The following ZNF148 variants were observed in gnomAD, a reference collection of about 807,000 sequenced individuals.
The protein encoded by ZNF148 is Beta-Enolase Repressor Factor-1.
ZNF148 carries 7 observed loss-of-function variants against 67.7 expected under a neutral mutation model. The ratio of observed to expected loss-of-function variants is 0.10; its 90% confidence interval spans 0.06 to 0.19. The LOEUF is 0.19. Among genes scored for constraint, ZNF148 ranks in the 10% least tolerant of loss-of-function variants. The pLI, the probability that ZNF148 is intolerant of heterozygous loss-of-function variation, is 1.00. For synonymous variants in ZNF148, 333 were observed against 330.7 expected (o/e 1.01, Z -0.08); for missense variants, 583 against 947.1 (o/e 0.62, Z 5.05).
intron 4 of ZNF148, among the ~76,000 whole-genome samples, 178 bp downstream of exon 4, chr3:125,313,125 AATAAT>A (rs772557562): frequency 3.9e-5 from 6 of 152,236 alleles, no homozygotes; most frequent in African/African-American, 1.2e-4. Context: ...AAGCTTCTAA[AATAAT>A]ATAATACAAG....
chr3:125,342,518 A>C (rs912922335), intron 1 of ZNF148, among the ~76,000 whole-genome samples: 1 of 152,142 alleles, frequency 6.6e-6, no homozygotes, highest in African/African-American at 2.4e-5. Context: ...GCCAACTGGG[A>C]ATTCTATATC....
rs559264694 is a variant in ZNF148 at position 125,326,978 on chromosome 3, T to C, written c.-152-3534A>G. ...TAGTCCAGTGGAAAGGCAGCGACTG[T>C]CGGAAAGGATAAAAACACAAATTCC... On this transcript the variant is annotated intron_variant, in intron 2 of 8. Coordinates refer to ENST00000360647, the MANE Select transcript of ZNF148 (RefSeq NM_021964.3). Among the ~76,000 whole-genome samples, 4 of 151,500 alleles carry C rather than the reference T, an allele frequency of 2.6e-5. No homozygotes were observed. In the South Asian group the frequency reaches 8.3e-4, roughly 31 times the overall value.
intron 1 of ZNF148, among the ~76,000 whole-genome samples, chr3:125,341,995 G>A (rs1369158816): frequency 3.4e-5 from 2 of 59,228 alleles, no homozygotes; most frequent in Non-Finnish European, 3.4e-5. Context: ...ACTCTGTTTC[G>A]GGGCGGGGGG....
At chr3:125,273,781 G>A (rs1328499555) in intron 7 of ZNF148, among the ~76,000 whole-genome samples, 1 of 152,044 alleles carries the variant, frequency 6.6e-6, no homozygotes, top group Non-Finnish European at 1.5e-5. Context: ...ACCCGGCCGG[G>A]AGGAGAATCA....
chr3:125,309,376 G>A (rs900365846), intron 4 of ZNF148, among the ~76,000 whole-genome samples: 1 of 152,068 alleles, frequency 6.6e-6, no homozygotes, highest in Non-Finnish European at 1.5e-5. Flanking sequence ...TGCAAGCAAA[G>A]AAATGCAAAG....
At chr3:125,371,415 C>T (rs1354992833) in intron 1 of ZNF148, among the ~76,000 whole-genome samples, 3 of 148,180 alleles carry the variant, frequency 2.0e-5, no homozygotes, top group Non-Finnish European at 3.0e-5. Flanking sequence ...GCCTGTAATC[C>T]CAGCATTTTG....
chr3:125,297,985 T>C (rs1939370761), intron 4 of ZNF148, among the ~76,000 whole-genome samples: 2 of 152,066 alleles, frequency 1.3e-5, no homozygotes, highest in African/African-American at 4.8e-5. Flanking sequence ...ATAAATGAAA[T>C]TCACCCAACT....
At chr3:125,283,888 A>G (rs1938522041) in intron 5 of ZNF148, among the ~76,000 whole-genome samples, 1 of 152,114 alleles carries the variant, frequency 6.6e-6, no homozygotes, top group Non-Finnish European at 1.5e-5. Flanking sequence ...GATGTGTGAA[A>G]AGTGCTCTTC....
chr3:125,326,716 ATATATGTATATAAATATACATATT>A (rs1164798605), intron 2 of ZNF148, among the ~76,000 whole-genome samples: 1 of 147,210 alleles, frequency 6.8e-6, no homozygotes, highest in African/African-American at 2.5e-5. Context: ...ATATCTTTTT[ATATATGTATATAAATATACATATT>A]TATATGTATA....
intron 7 of ZNF148, among the ~76,000 whole-genome samples, chr3:125,251,392 GA>G (rs1342702288): frequency 6.6e-6 from 1 of 152,182 alleles, no homozygotes; most frequent in African/African-American, 2.4e-5. Flanking sequence ...TAGATGTACA[GA>G]AAAGTATACA....
intron 1 of ZNF148, among the ~76,000 whole-genome samples, chr3:125,353,741 C>T (rs1942243815): frequency 6.6e-6 from 1 of 151,718 alleles, no homozygotes; most frequent in Admixed American, 6.6e-5. Flanking sequence ...AGGCATGAGC[C>T]ACTGTGCACA....
chr3:125,283,811 T>C (rs770715897), intron 5 of ZNF148, among the ~76,000 whole-genome samples: 94 of 152,296 alleles, frequency 6.2e-4, no homozygotes, highest in Non-Finnish European at 1.1e-3. Flanking sequence ...AAGTCTAAAA[T>C]CTTTTCTGGG....
In ZNF148 at chr3:125,233,604, C is replaced by G; in HGVS notation, c.1122G>C (p.Gly374=). ...YAVEMPHSSV[G]GSHLEDASGE... ...CTGACGCATCTTCTAAATGCGAGCC[C>G]CCAACTGACGAATGTGGCATTTCAA... The change falls in exon 9 of 9, where the codon GGG becomes GGC. Residue 374 remains glycine, a synonymous_variant. Transcript: ENST00000360647. The surrounding 1 kb of genome is among the most constrained non-coding windows in gnomAD (Gnocchi z 5.1). The G allele has an allele frequency of 6.2e-7, 1 of 1,613,922 alleles. No homozygotes were observed.
chr3:125,252,431 G>A (rs763031278), intron 7 of ZNF148, among the ~76,000 whole-genome samples: 2 of 151,936 alleles, frequency 1.3e-5, no homozygotes, highest in Non-Finnish European at 1.5e-5. Flanking sequence ...TTTTGTATAT[G>A]GTGTAAGATA....
intron 6 of ZNF148, 54 bp downstream of exon 6, chr3:125,279,070 A>G (rs1476369652): frequency 1.3e-6 from 2 of 1,503,930 alleles, no homozygotes; most frequent in Non-Finnish European, 1.8e-6. Flanking sequence ...GAAGATGAAA[A>G]TAACAAAGAT....
chr3:125,323,921 T>G (rs1197136523), intron 2 of ZNF148, among the ~76,000 whole-genome samples: 1 of 149,004 alleles, frequency 6.7e-6, no homozygotes, highest in South Asian at 2.1e-4. Context: ...ATTGCGCCAC[T>G]GCACTCCAGC....
At chr3:125,326,848 A>G (rs1171410519) in intron 2 of ZNF148, among the ~76,000 whole-genome samples, 1 of 141,226 alleles carries the variant, frequency 7.1e-6, no homozygotes, top group Non-Finnish European at 1.5e-5. Flanking sequence ...ATACAGATAT[A>G]TATGTATATA....
chr3:125,312,530 T>G (rs1579775064), intron 4 of ZNF148, among the ~76,000 whole-genome samples: 1 of 152,080 alleles, frequency 6.6e-6, no homozygotes, highest in East Asian at 1.9e-4. Flanking sequence ...GGACTCAACC[T>G]AGAGTCAAGA....
chr3:125,269,134 A>T (rs998083074), intron 7 of ZNF148, among the ~76,000 whole-genome samples: 4 of 149,336 alleles, frequency 2.7e-5, no homozygotes, highest in African/African-American at 9.9e-5. Flanking sequence ...TTAGGAGACT[A>T]AGGCAGGTGG....
Sources: allele counts gnomAD v4.1 joint callset (sites outside exome capture counted in the v4.1 genomes callset), GRCh38; gene constraint gnomAD v4.1.1; non-coding constraint Gnocchi (gnomAD v3.1); transcripts MANE v1.5; gene names NCBI Gene and HGNC (gene_info 2026-07-23, HGNC 2026-07-21).